Variants in ABLIM1 observed in about 807,000 individuals in gnomAD.
The protein encoded by ABLIM1 is actin-binding LIM protein 1.
ABLIM1 carries 40 observed loss-of-function variants against 107.0 expected under a neutral mutation model. The ratio of observed to expected loss-of-function variants is 0.37; its 90% CI spans 0.29 to 0.49. The LOEUF (loss-of-function observed/expected upper bound fraction) is 0.49, where lower values mean the gene tolerates loss of function less well. ABLIM1 is among the 20% of genes least tolerant of loss of function. ABLIM1 has a pLI of 0.97. For missense variants in ABLIM1, 857 were observed against 1,008.5 expected (o/e 0.85, Z 2.04); for synonymous variants, 357 against 357.3 (o/e 1.00, Z 0.01).
chr10:114,491,012 G>GTGTGTATATATATATATATATA, intron 7 of ABLIM1, among the ~76,000 whole-genome samples: 59 of 92,362 alleles, frequency 6.4e-4, no homozygotes, highest in East Asian at 4.1e-3. Flanking sequence ...GTGTGTGTGT[G>GTGTGTATATATATATATATATA]TATATATATA....
At chr10:114,612,262 T>C (rs368279107) in intron 1 of ABLIM1, among the ~76,000 whole-genome samples, 42 of 152,222 alleles carry the variant, frequency 2.8e-4, no homozygotes, top group African/African-American at 9.6e-4. Flanking sequence ...CAGGAGCAGG[T>C]TGCTGATAAA....
chr10:114,440,863 T>C, intron 19 of ABLIM1, 154 bp downstream of exon 19: 2 of 781,824 alleles, frequency 2.6e-6, no homozygotes, highest in East Asian at 5.2e-5. Context: ...CTTTGAAATT[T>C]TGTAAATAAT....
chr10:114,637,237 G>A (rs934709379), intron 1 of ABLIM1, among the ~76,000 whole-genome samples: 16 of 152,156 alleles, frequency 1.1e-4, no homozygotes, highest in East Asian at 3.9e-4. Context: ...TGCAAAGCAC[G>A]AGGATAGACT....
At chr10:114,639,915 G>C (rs1035024560) in intron 1 of ABLIM1, among the ~76,000 whole-genome samples, 4 of 152,216 alleles carry the variant, frequency 2.6e-5, no homozygotes, top group African/African-American at 9.6e-5. Flanking sequence ...TAGGAATTCA[G>C]GGAGACTCAA....
intron 1 of ABLIM1, among the ~76,000 whole-genome samples, chr10:114,695,427 G>T (rs1179322909): frequency 2.0e-5 from 3 of 152,114 alleles, no homozygotes; most frequent in African/African-American, 7.2e-5. Flanking sequence ...GCTCAGAGAG[G>T]CTACATCATT....
In ABLIM1 at chr10:114,658,143, T is replaced by A. The variant is rs1475370551; in HGVS notation, c.58A>T (p.Lys20Ter). 3.7e-6 allele frequency: 6 copies of A among 1,614,124 alleles called. No individual in the cohort carries two copies. The highest frequency in any genetic ancestry group is 5.1e-6 in the Non-Finnish European group (6 of 1,179,976). Residue 20 changes from lysine (K) to a stop codon, truncating the protein, a stop_gained, in exon 1 of 23, where the codon AAA (lysine) becomes TAA (stop). Coordinates refer to ENST00000533213, the MANE Select transcript of ABLIM1 (RefSeq NM_002313.7). LOFTEE classifies it high-confidence loss of function. ...LGKLCSSEKS[K>*]VTSSERTSAR... ...CTGGTTCTCTCAGATGAGGTGACTT[T>A]GCTTTTCTCAGAGCTGCACAATTTC... is the stretch of plus-strand genomic sequence containing the variant.
chr10:114,617,744 A>G (rs959179320), intron 1 of ABLIM1, among the ~76,000 whole-genome samples: 1 of 152,204 alleles, frequency 6.6e-6, no homozygotes, highest in African/African-American at 2.4e-5. Flanking sequence ...ACACTATTTC[A>G]CTTAAATTAA....
At chr10:114,583,482 T>C (rs1481940549) in intron 2 of ABLIM1, among the ~76,000 whole-genome samples, 2 of 20,840 alleles carry the variant, frequency 9.6e-5, no homozygotes, top group Non-Finnish European at 1.5e-4. Context: ...TATATATATA[T>C]ATATATATAT....
At chr10:114,670,708 G>T (rs1318072611) in intron 1 of ABLIM1, among the ~76,000 whole-genome samples, 1 of 152,146 alleles carries the variant, frequency 6.6e-6, no homozygotes, top group African/African-American at 2.4e-5. Flanking sequence ...TACCCAGGCT[G>T]GTCTTGAACT....
At chr10:114,758,188 T>C (rs2082672764) in intron 1 of ABLIM1, among the ~76,000 whole-genome samples, 1 of 152,176 alleles carries the variant, frequency 6.6e-6, no homozygotes, top group African/African-American at 2.4e-5. Context: ...CCACCTATCA[T>C]ATGTTTATAT....
the ABLIM1 span, among the ~76,000 whole-genome samples, chr10:114,798,106 C>T: frequency 1.3e-5 from 2 of 152,170 alleles, no homozygotes; most frequent in Non-Finnish European, 2.9e-5. Context: ...AACTAATTTG[C>T]CTTATATATT....
At chr10:114,768,690 A>G (rs542893231), upstream of ABLIM1, among the ~76,000 whole-genome samples, 102 of 151,380 alleles carry the variant, frequency 6.7e-4, no homozygotes, top group African/African-American at 2.3e-3. Context: ...CTTTTCCTCC[A>G]GCGACCCTCG....
intron 1 of ABLIM1, among the ~76,000 whole-genome samples, chr10:114,700,333 A>C (rs2081283071): frequency 6.6e-6 from 1 of 152,344 alleles, no homozygotes; most frequent in South Asian, 2.1e-4. Flanking sequence ...ATGGATTATA[A>C]GGTTCAATAT....
chr10:114,578,914 G>A (rs2073009587), intron 2 of ABLIM1, among the ~76,000 whole-genome samples: 1 of 150,500 alleles, frequency 6.6e-6, no homozygotes, highest in African/African-American at 2.5e-5. Context: ...AGCCTCCCGA[G>A]TAGCTGGGAT....
chr10:114,468,414 ACAGGCGC>A, intron 10 of ABLIM1, 198 bp from the exon 11 acceptor site: 13 of 316,172 alleles, frequency 4.1e-5, no homozygotes, highest in South Asian at 3.2e-4. Context: ...AGCTGGGACT[ACAGGCGC>A]CGCCACCACC....
chr10:114,440,393 G>A (rs748359824), intron 19 of ABLIM1, among the ~76,000 whole-genome samples: 6 of 151,668 alleles, frequency 4.0e-5, no homozygotes, highest in African/African-American at 1.5e-4. Context: ...CCTTCTTTCT[G>A]CCATATGCAT....
intron 8 of ABLIM1, among the ~76,000 whole-genome samples, chr10:114,485,688 G>A (rs921952328): frequency 6.6e-6 from 1 of 152,170 alleles, no homozygotes; most frequent in Non-Finnish European, 1.5e-5. Flanking sequence ...AGCCAACTGA[G>A]AGCCATCCTT....
chr10:114,480,203 C>T (rs1301129635), intron 8 of ABLIM1, among the ~76,000 whole-genome samples: 5 of 152,130 alleles, frequency 3.3e-5, no homozygotes. Flanking sequence ...CCATTTCCAC[C>T]CATTCAGATG....
intron 2 of ABLIM1, among the ~76,000 whole-genome samples, chr10:114,601,265 C>CT (rs781514757): frequency 0.013 from 1,725 of 137,936 alleles, 30 homozygotes; most frequent in African/African-American, 0.038. Flanking sequence ...CTCTTTCTTT[C>CT]TTTTTTTTTT....
Sources: gnomAD v4.1 joint callset for allele counts (sites outside exome capture counted in the v4.1 genomes callset) on GRCh38, gnomAD v4.1.1 for gene constraint, MANE v1.5 for transcripts, NCBI Gene and HGNC (gene_info 2026-07-23, HGNC 2026-07-21) for gene names.